Variants in STX12 observed in about 807,000 individuals in gnomAD.
STX12 encodes the protein syntaxin 12.
A neutral mutation model predicts 42.2 loss-of-function variants in STX12; 17 were observed. The observed-to-expected ratio is 0.40, with a 90% CI of 0.28 to 0.60. STX12 has a LOEUF of 0.60. Among genes scored for constraint, STX12 ranks in the 20% least tolerant of loss-of-function variants. STX12 has a pLI of 0.39. For missense variants in STX12, 297 were observed against 330.9 expected, an observed-to-expected ratio of 0.90 and a Z score of 0.79; for synonymous variants, 108 against 116.7, an observed-to-expected ratio of 0.93 and a Z score of 0.48.
intron 2 of STX12, among the ~76,000 whole-genome samples, chr1:27,790,927 G>A (rs1351090091): frequency 6.6e-6 from 1 of 151,786 alleles, no homozygotes; most frequent in Non-Finnish European, 1.5e-5. Context: ...GGCAACAAGA[G>A]TGAAACTCTG....
intron 1 of STX12, among the ~76,000 whole-genome samples, chr1:27,782,745 A>G (rs1428890643): frequency 6.6e-6 from 1 of 152,200 alleles, no homozygotes; most frequent in Non-Finnish European, 1.5e-5. Context: ...CTGAGACAGG[A>G]GAATCACTTG....
intron 4 of STX12, among the ~76,000 whole-genome samples, chr1:27,803,800 A>G (rs939168755): frequency 5.3e-5 from 8 of 152,038 alleles, no homozygotes; most frequent in Non-Finnish European, 1.2e-4. Context: ...TCAGGAGTTC[A>G]AGACCAGCCT....
At chr1:27,781,672 C>T (rs569783232) in intron 1 of STX12, among the ~76,000 whole-genome samples, 21 of 152,148 alleles carry the variant, frequency 1.4e-4, no homozygotes, top group African/African-American at 3.9e-4. Flanking sequence ...CAGTTTAGCA[C>T]GCACTTATAT....
chr1:27,780,762 G>A (rs1332059693), intron 1 of STX12, among the ~76,000 whole-genome samples: 31 of 151,890 alleles, frequency 2.0e-4, no homozygotes, highest in African/African-American at 6.5e-4. Flanking sequence ...GACCAGCCTG[G>A]GCAACTTGGC....
At chr1:27,781,942 G>A (rs553779400) in intron 1 of STX12, among the ~76,000 whole-genome samples, 12 of 152,016 alleles carry the variant, frequency 7.9e-5, no homozygotes, top group Non-Finnish European at 1.3e-4. Flanking sequence ...ATTTAGCTTC[G>A]TATCATCTCA....
chr1:27,801,225 C>A (rs1291666092), intron 3 of STX12, among the ~76,000 whole-genome samples: 1 of 151,966 alleles, frequency 6.6e-6, no homozygotes, highest in Non-Finnish European at 1.5e-5. Flanking sequence ...ATGGCGAAAC[C>A]CCATCTGTAC....
At chr1:27,775,321 G>A (rs1366464850) in intron 1 of STX12, among the ~76,000 whole-genome samples, 2 of 152,108 alleles carry the variant, frequency 1.3e-5, no homozygotes, top group African/African-American at 2.4e-5. Context: ...ACCCAGGCTG[G>A]TATGCAGTGG....
At chr1:27,817,679 T>C (rs1433406084) in intron 6 of STX12, among the ~76,000 whole-genome samples, 172 bp from the exon 7 acceptor site, 1 of 152,252 alleles carries the variant, frequency 6.6e-6, no homozygotes, top group Non-Finnish European at 1.5e-5. Flanking sequence ...ATGTGCCTTC[T>C]GTTTTACAAT....
chr1:27,799,047 G>A (rs569665101), intron 3 of STX12, among the ~76,000 whole-genome samples: 37 of 152,058 alleles, frequency 2.4e-4, no homozygotes, highest in African/African-American at 7.0e-4. Flanking sequence ...ATTTTTGCAC[G>A]GTAAGGTTAG....
intron 6 of STX12, among the ~76,000 whole-genome samples, chr1:27,812,817 C>T (rs141572452): frequency 9.2e-5 from 14 of 152,300 alleles, no homozygotes; most frequent in East Asian, 7.7e-4. Context: ...ACATCTTATA[C>T]GGATCACCAC....
intron 5 of STX12, among the ~76,000 whole-genome samples, chr1:27,811,418 A>T (rs2088902703): frequency 6.6e-6 from 1 of 152,022 alleles, no homozygotes; most frequent in African/African-American, 2.4e-5. Context: ...CAGCCTGGGC[A>T]ACAAAGCAAG....
intron 1 of STX12, among the ~76,000 whole-genome samples, chr1:27,775,530 C>T (rs572145440): frequency 3.9e-5 from 6 of 152,260 alleles, no homozygotes; most frequent in East Asian, 1.9e-4. Flanking sequence ...CCTTGGCCTC[C>T]GAATAGGCCA....
At chr1:27,799,289 CTAGACTA>C (rs1401696986) in intron 3 of STX12, among the ~76,000 whole-genome samples, 1 of 152,094 alleles carries the variant, frequency 6.6e-6, no homozygotes, top group East Asian at 1.9e-4. Context: ...AACCTTAAAC[CTAGACTA>C]TTGAATTAGT....
In STX12 at chr1:27,773,404, A is replaced by G. The variant is rs756958960; in HGVS notation, c.97A>G (p.Ile33Val). Residue 33 changes from isoleucine (I) to valine (V), a missense_variant, in exon 1 of 9, where the codon ATC becomes GTC. Ile to Val is a conservative substitution (Grantham distance 29). Transcript: ENST00000373943. ...SSIIQTCSGN[I>V]QRISQATAQI... Reference sequence around the variant, plus strand: ...CATCATCCAGACGTGCAGCGGCAACATCCAGCGGATCAGCCAAGCCAGTGA... The same window carrying G: ...CATCATCCAGACGTGCAGCGGCAACGTCCAGCGGATCAGCCAAGCCAGTGA... The G allele has an allele frequency of 3.1e-6, 5 of 1,613,390 alleles. No homozygotes were observed. In the South Asian group the frequency reaches 5.5e-5, roughly 18 times the overall value.
intron 4 of STX12, among the ~76,000 whole-genome samples, chr1:27,803,071 A>G (rs190841529): frequency 1.3e-5 from 2 of 152,308 alleles, no homozygotes; most frequent in Non-Finnish European, 2.9e-5. Flanking sequence ...AAGATTATGA[A>G]AAATGGAGAA....
intron 4 of STX12, 84 bp downstream of exon 4, chr1:27,801,899 C>T: frequency 6.7e-7 from 1 of 1,498,018 alleles, no homozygotes; most frequent in Non-Finnish European, 8.9e-7. Flanking sequence ...TTCTCTTTGA[C>T]CAATAAACAT....
At chr1:27,778,108 C>T (rs897042869) in intron 1 of STX12, among the ~76,000 whole-genome samples, 3 of 152,126 alleles carry the variant, frequency 2.0e-5, no homozygotes, top group Admixed American at 2.0e-4. Context: ...AGGACTTGTA[C>T]CCATTAAAAG....
intron 2 of STX12, among the ~76,000 whole-genome samples, chr1:27,791,598 G>A (rs534348084): frequency 2.1e-4 from 32 of 152,262 alleles, no homozygotes; most frequent in African/African-American, 6.7e-4. Context: ...GGTGGGTCAC[G>A]AGGTCAGGAG....
At chr1:27,790,121 T>C (rs1268638780) in intron 2 of STX12, among the ~76,000 whole-genome samples, 2 of 152,226 alleles carry the variant, frequency 1.3e-5, no homozygotes, top group African/African-American at 4.8e-5. Context: ...TCCTTGTCAT[T>C]ACTGAAACAA....
Sources: allele counts gnomAD v4.1 joint callset (sites outside exome capture counted in the v4.1 genomes callset), GRCh38; gene constraint gnomAD v4.1.1; transcripts MANE v1.5; gene names NCBI Gene and HGNC (gene_info 2026-07-23, HGNC 2026-07-21).